HECTD2: variants seen among roughly 807,000 people sequenced by gnomAD.
HECTD2 encodes HECT domain E3 ubiquitin protein ligase 2, also known as probable E3 ubiquitin-protein ligase HECTD2.
In HECTD2, 35 loss-of-function variants were observed where a neutral mutation model predicts 103.2. The ratio of observed to expected loss-of-function variants is 0.34; its 90% CI spans 0.26 to 0.45. The LOEUF (loss-of-function observed/expected upper bound fraction) is 0.45, where lower values mean the gene tolerates loss of function less well. Ranked by LOEUF, HECTD2 falls within the 20% of genes least tolerant of loss-of-function variation. The pLI is 1.00. For synonymous variants in HECTD2, 281 were observed against 329.9 expected (o/e 0.85, Z 1.61); for missense variants, 596 against 937.4 (o/e 0.64, Z 4.76).
intron 9 of HECTD2, 40 bp from the exon 10 acceptor site, chr10:91,485,140 A>T (rs764060856): frequency 7.9e-6 from 11 of 1,396,312 alleles, no homozygotes; most frequent in Middle Eastern, 2.0e-4. Context: ...AATCTTGTAC[A>T]TGTTGGAAAA....
At chr10:91,445,952 G>C (rs901114608) in intron 2 of HECTD2, among the ~76,000 whole-genome samples, 3 of 152,060 alleles carry the variant, frequency 2.0e-5, no homozygotes, top group Non-Finnish European at 2.9e-5. Context: ...GCACAAAACT[G>C]GGTGGCCATT....
intron 3 of HECTD2, 70 bp downstream of exon 3, chr10:91,460,635 T>C: frequency 7.0e-7 from 1 of 1,420,268 alleles, no homozygotes; most frequent in Non-Finnish European, 9.4e-7. Flanking sequence ...TTTAATATCT[T>C]TATTTGAGAA....
intron 2 of HECTD2, among the ~76,000 whole-genome samples, chr10:91,426,676 T>C (rs555619044): frequency 1.3e-5 from 2 of 151,916 alleles, no homozygotes; most frequent in Non-Finnish European, 2.9e-5. Context: ...ATTATTTCTA[T>C]ACTAATATCT....
chr10:91,456,249 G>C (rs188252759), intron 2 of HECTD2, among the ~76,000 whole-genome samples: 4 of 152,004 alleles, frequency 2.6e-5, no homozygotes, highest in South Asian at 2.1e-4. Context: ...GTTTTATTTC[G>C]TTGAGCAGTG....
chr10:91,489,426 TG>T (rs1035952866), intron 11 of HECTD2: 25 of 152,204 alleles, frequency 1.6e-4, no homozygotes, highest in African/African-American at 6.0e-4. Context: ...TATACAAAAT[TG>T]GTTTCCTAAC....
rs1314545458 is a variant in HECTD2, at chr10:91,487,605, G to T, written c.1095-77G>T. The T allele has an allele frequency of 1.2e-6, 1 of 854,370 alleles. No individual in the cohort carries two copies. The highest frequency in any genetic ancestry group is 1.3e-5 in the South Asian group (1 of 75,616). The allele number at this position is 854,370 out of a possible 1,614,324, so 52.9% of individuals were successfully genotyped here. On this transcript the variant is annotated intron_variant, in intron 10 of 20. Coordinates refer to ENST00000298068, the MANE Select transcript of HECTD2 (RefSeq NM_182765.6). The surrounding 1 kb of genome is among the most constrained non-coding windows in gnomAD (Gnocchi z 4.1). ...AGTAATGTTTTATATTGCTACAAGGGGTACCTTAGATTCCCTTAGTATAAT... is the reference window on the plus strand; with the variant it reads ...AGTAATGTTTTATATTGCTACAAGGTGTACCTTAGATTCCCTTAGTATAAT...
At chr10:91,445,896 A>G (rs193144185) in intron 2 of HECTD2, among the ~76,000 whole-genome samples, 4 of 152,216 alleles carry the variant, frequency 2.6e-5, no homozygotes, top group Admixed American at 1.3e-4. Context: ...CCTACAGACA[A>G]GGAGATTCTC....
chr10:91,437,619 C>CTTTTTTTTTTTTTTTTTTGTTTTT (rs1844176801), intron 2 of HECTD2, among the ~76,000 whole-genome samples: 2 of 87,426 alleles, frequency 2.3e-5, no homozygotes, highest in African/African-American at 6.6e-5. Flanking sequence ...GATGGTTGTT[C>CTTTTTTTTTTTTTTTTTTGTTTTT]TTTTTTTTTT....
intron 7 of HECTD2, 49 bp downstream of exon 7, chr10:91,481,188 C>G (rs1471191844): frequency 2.3e-6 from 2 of 871,012 alleles, no homozygotes; most frequent in African/African-American, 3.5e-5. Flanking sequence ...GATCTCAATC[C>G]CTACATGTGT....
intron 6 of HECTD2, among the ~76,000 whole-genome samples, chr10:91,479,874 T>C (rs1846031538): frequency 6.6e-6 from 1 of 152,176 alleles, no homozygotes; most frequent in South Asian, 2.1e-4. Flanking sequence ...TTTATGTACT[T>C]TTCCTTAATA....
intron 11 of HECTD2, chr10:91,488,228 G>A (rs112753764): frequency 0.011 from 1,657 of 153,264 alleles, 18 homozygotes; most frequent in South Asian, 0.03. Context: ...GTGTCTTGGA[G>A]AACTGAGAAA....
intron 12 of HECTD2, among the ~76,000 whole-genome samples, chr10:91,491,557 AT>A (rs1846479273): frequency 6.6e-6 from 1 of 152,130 alleles, no homozygotes; most frequent in Non-Finnish European, 1.5e-5. Context: ...CTAGAAAAGG[AT>A]TTGATGTAGA....
At chr10:91,426,666 A>G (rs1018232849) in intron 2 of HECTD2, among the ~76,000 whole-genome samples, 1 of 151,450 alleles carries the variant, frequency 6.6e-6, no homozygotes, top group Non-Finnish European at 1.5e-5. Context: ...TATCTACTCC[A>G]TTATTTCTAT....
Position 91,514,545 on chromosome 10 carries a change from A to G in HECTD2, c.*2161A>G, listed in dbSNP as rs1847540588. The G allele has an allele frequency of 6.6e-6, 1 of 152,602 alleles. No individual in the cohort carries two copies. The highest frequency in any genetic ancestry group is 2.1e-4 in the South Asian group (1 of 4,832). The allele number at this position is 152,602 out of a possible 1,614,324, so 9.5% of individuals were successfully genotyped here. A position where few individuals can be genotyped will look rare whatever the true frequency, so the allele number is the denominator to read the frequency against. Reference sequence around the variant, plus strand: ...TTTTTACATATATAATCTGTTAATGAATTATTGATTTTTGTATCTGCCACA... The same window carrying G: ...TTTTTACATATATAATCTGTTAATGGATTATTGATTTTTGTATCTGCCACA... On this transcript the variant is annotated 3_prime_UTR_variant, in exon 21 of 21. Coordinates refer to ENST00000298068, the MANE Select transcript of HECTD2 (RefSeq NM_182765.6).
At chr10:91,467,679 C>T (rs1460382667) in intron 5 of HECTD2, among the ~76,000 whole-genome samples, 3 of 151,156 alleles carry the variant, frequency 2.0e-5, no homozygotes, top group Non-Finnish European at 4.4e-5. Flanking sequence ...GCTTTGCCAG[C>T]ATGCATTTGT....
chr10:91,415,063 A>T (rs1301560669), intron 1 of HECTD2, among the ~76,000 whole-genome samples: 2 of 152,208 alleles, frequency 1.3e-5, no homozygotes, highest in African/African-American at 4.8e-5. Context: ...CACAGGACAG[A>T]GTGTAAGGGA....
At chr10:91,509,176 A>G (rs1449991349) in intron 20 of HECTD2, among the ~76,000 whole-genome samples, 2 of 151,278 alleles carry the variant, frequency 1.3e-5, no homozygotes, top group East Asian at 2.0e-4. Flanking sequence ...CTAATGCTAG[A>G]TGACGGGTTA....
intron 20 of HECTD2, among the ~76,000 whole-genome samples, chr10:91,506,998 A>G (rs1254824090): frequency 1.3e-5 from 2 of 152,126 alleles, no homozygotes; most frequent in African/African-American, 4.8e-5. Flanking sequence ...GTAATCCAGC[A>G]TATAAACAGA....
chr10:91,491,161 T>A (rs1469864391), intron 11 of HECTD2, 39 bp from the exon 12 acceptor site: 3 of 990,104 alleles, frequency 3.0e-6, no homozygotes, highest in South Asian at 2.8e-5. Flanking sequence ...AATTATAGTC[T>A]AAGTAAAAGC....
Sources: gnomAD v4.1 joint callset for allele counts (sites outside exome capture counted in the v4.1 genomes callset) on GRCh38, gnomAD v4.1.1 for gene constraint, Gnocchi (gnomAD v3.1) non-coding constraint, MANE v1.5 for transcripts, NCBI Gene and HGNC (gene_info 2026-07-23, HGNC 2026-07-21) for gene names.